Variants in KLHL18 observed in about 807,000 individuals in gnomAD.
KLHL18 encodes kelch like family member 18, also known as kelch-like protein 18.
KLHL18 carries 38 observed loss-of-function variants against 58.5 expected under a neutral mutation model. The ratio of observed to expected loss-of-function variants is 0.65; its 90% CI spans 0.50 to 0.85. The LOEUF (loss-of-function observed/expected upper bound fraction) is 0.85, where lower values mean the gene tolerates loss of function less well. KLHL18 is among the 40% of genes least tolerant of loss of function. The pLI is 0.00. For missense variants in KLHL18, 624 were observed against 778.4 expected, an observed-to-expected ratio of 0.80 and a Z score of 2.36; for synonymous variants, 303 against 301.9, an observed-to-expected ratio of 1.00 and a Z score of -0.04.
intron 1 of KLHL18, among the ~76,000 whole-genome samples, chr3:47,298,591 ATAAG>A (rs1335267490): frequency 6.6e-6 from 1 of 152,200 alleles, no homozygotes; most frequent in East Asian, 1.9e-4. Flanking sequence ...TAAGGATTAG[ATAAG>A]TTAGTTATAT....
rs1311143780 is a variant in KLHL18 at position 47,345,944 on chromosome 3, C to T, written c.*2003C>T. 3.9e-5 allele frequency: 6 copies of T among 152,578 alleles called. No homozygotes were observed. Among genetic ancestry groups the T allele is most frequent in the African/African-American group, 1.2e-4 (5 of 41,506 alleles). 9.5% of individuals were successfully genotyped at this position (152,578 alleles called of 1,614,324 possible). ...GTCTCAACAATCTGATATCGGATGTCGTTTAACCTGGGCTCGTGGTAGGGC... is the reference window on the plus strand; with the variant it reads ...GTCTCAACAATCTGATATCGGATGTTGTTTAACCTGGGCTCGTGGTAGGGC... On this transcript the variant is annotated 3_prime_UTR_variant, in exon 10 of 10. Coordinates refer to ENST00000232766, the MANE Select transcript of KLHL18 (RefSeq NM_025010.5).
chr3:47,340,569 C>T lies in KLHL18; in HGVS notation c.1122-3C>T, dbSNP rs202112965. The T allele has an allele frequency of 1.3e-3, 2,089 of 1,613,972 alleles. 1 individual carries two copies. The highest frequency in any genetic ancestry group is 1.3e-3 in the Non-Finnish European group (1,584 of 1,179,948). ...TCTGGGATGACAGCTCTGTCTGTTT[C>T]AGTGCCATGGGGACAGTCGTGCTGG... On this transcript the variant is annotated splice_region_variant and splice_polypyrimidine_tract_variant and intron_variant, in intron 7 of 9. Transcript: ENST00000232766.
At chr3:47,301,644 A>G (rs1225943582) in intron 1 of KLHL18, among the ~76,000 whole-genome samples, 2 of 152,202 alleles carry the variant, frequency 1.3e-5, no homozygotes, top group Non-Finnish European at 2.9e-5. Flanking sequence ...CCCTTGAACA[A>G]TGTGGGGGTT....
intron 4 of KLHL18, among the ~76,000 whole-genome samples, chr3:47,332,822 T>G (rs972048502): frequency 1.3e-5 from 2 of 151,970 alleles, no homozygotes; most frequent in South Asian, 4.2e-4. Flanking sequence ...CAGCCCAGCC[T>G]TGCCGGAGTA....
intron 1 of KLHL18, among the ~76,000 whole-genome samples, chr3:47,293,040 ATGT>A (rs1435912647): frequency 2.6e-5 from 4 of 152,220 alleles, no homozygotes; most frequent in Admixed American, 6.5e-5. Context: ...AAAAGGACAA[ATGT>A]TGTGTGATTC....
Position 47,336,684 on chromosome 3 carries a change from C to T in KLHL18, c.1048C>T (p.Leu350=). The change falls in exon 7 of 10, where the codon CTG becomes TTG. Residue 350 remains leucine (L), a synonymous_variant. Transcript: ENST00000232766. The part of the protein sequence containing the change: ...AIGGYDGQLR[L]STVEAYNPET... ...CGGAGGATATGACGGCCAGCTACGG[C>T]TGAGCACTGTGGAGGCCTACAACCC... 1 of 1,614,236 alleles carries T rather than the reference C, an allele frequency of 6.2e-7. No homozygotes were observed. Among genetic ancestry groups the T allele is most frequent in the Non-Finnish European group, 8.5e-7 (1 of 1,180,048 alleles).
rs76281206 is a variant in KLHL18 at position 47,333,494 on chromosome 3, C to G, written c.761+177C>G. 4.7e-3 allele frequency among the ~76,000 whole-genome samples: 721 copies of G among 152,332 alleles called. 8 individuals carry two copies. The highest frequency in any genetic ancestry group is 0.017 in the African/African-American group (700 of 41,578). The stretch of plus-strand genomic sequence containing the variant: ...AACAGGAAGTGTGAAGAGCCCGAAT[C>G]TTATGCCTTGGGCAGAGAGATGTGC... On this transcript the variant is annotated intron_variant, in intron 5 of 9. Transcript: ENST00000232766.
Position 47,314,789 on chromosome 3 carries a change from G to A in KLHL18, c.130-4864G>A, listed in dbSNP as rs1281665960. ...ACTATCCTTTAGCTATTCCTTATAA[G>A]ATGTAGCTTTCAGACTCTTGCCCAT... is the stretch of plus-strand genomic sequence containing the variant. On this transcript the variant is annotated intron_variant, in intron 1 of 9. Coordinates refer to ENST00000232766, the MANE Select transcript of KLHL18 (RefSeq NM_025010.5). Among the ~76,000 whole-genome samples the A allele has an allele frequency of 3.3e-5, 5 of 152,156 alleles. No individual in the cohort carries two copies. The East Asian group carries it at 9.6e-4, about 29-fold the overall frequency.
At chr3:47,283,218 G>A (rs955757653) in intron 1 of KLHL18, 124 bp downstream of exon 1, 4 of 510,372 alleles carry the variant, frequency 7.8e-6, no homozygotes, top group African/African-American at 6.2e-5. Context: ...TGTGAGGGGG[G>A]CCGAGTAGTG....
intron 1 of KLHL18, among the ~76,000 whole-genome samples, chr3:47,305,131 C>T (rs1319461133): frequency 2.6e-5 from 4 of 151,964 alleles, no homozygotes; most frequent in Non-Finnish European, 5.9e-5. Flanking sequence ...TGTTGCCTTA[C>T]TGAGCTTGCT....
At chr3:47,324,801 C>T (rs1703676983) in intron 3 of KLHL18, among the ~76,000 whole-genome samples, 1 of 152,150 alleles carries the variant, frequency 6.6e-6, no homozygotes, top group South Asian at 2.1e-4. Flanking sequence ...CACCTTACTC[C>T]AGCTTGGGCA....
At chr3:47,339,454 T>C (rs1379515619) in intron 7 of KLHL18, among the ~76,000 whole-genome samples, 2 of 146,966 alleles carry the variant, frequency 1.4e-5, no homozygotes, top group African/African-American at 5.1e-5. Flanking sequence ...ATTGTGCTAC[T>C]GCACTCCAGC....
intron 1 of KLHL18, among the ~76,000 whole-genome samples, chr3:47,318,015 T>C (rs575959691): frequency 1.3e-5 from 2 of 152,200 alleles, no homozygotes; most frequent in East Asian, 3.9e-4. Flanking sequence ...ATTACAGGCA[T>C]GCGCCCACTA....
chr3:47,328,295 G>A (rs1287040411), intron 3 of KLHL18, among the ~76,000 whole-genome samples: 2 of 151,744 alleles, frequency 1.3e-5, no homozygotes, highest in Non-Finnish European at 2.9e-5. Context: ...GAGCTCAAGA[G>A]GTCAAGGCTA....
At chr3:47,335,979 G>C (rs1174967965) in intron 6 of KLHL18, among the ~76,000 whole-genome samples, 1 of 152,160 alleles carries the variant, frequency 6.6e-6, no homozygotes, top group Non-Finnish European at 1.5e-5. Flanking sequence ...TATTTTGTTT[G>C]ATCATCACAA....
intron 6 of KLHL18, among the ~76,000 whole-genome samples, chr3:47,335,953 C>T (rs1446437109): frequency 6.6e-6 from 1 of 152,158 alleles, no homozygotes; most frequent in African/African-American, 2.4e-5. Flanking sequence ...AGCAGCATAC[C>T]ACAGGAAGAG....
chr3:47,337,740 A>G (rs1180471923), intron 7 of KLHL18: 1 of 152,272 alleles, frequency 6.6e-6, no homozygotes, highest in Admixed American at 6.5e-5. Context: ...GAAGAAAAAA[A>G]TACGTAAGAT....
At chr3:47,304,650 T>C (rs931649947) in intron 1 of KLHL18, among the ~76,000 whole-genome samples, 71 of 152,362 alleles carry the variant, frequency 4.7e-4, no homozygotes, top group African/African-American at 1.6e-3. Flanking sequence ...TCTTGTGTCT[T>C]GTAACTTTGC....
intron 1 of KLHL18, among the ~76,000 whole-genome samples, chr3:47,293,900 T>C (rs1038674743): frequency 6.6e-6 from 1 of 152,224 alleles, no homozygotes; most frequent in Non-Finnish European, 1.5e-5. Context: ...TCCTCTCTTA[T>C]GTGTATTTTG....
Sources: gnomAD v4.1 joint callset for allele counts (sites outside exome capture counted in the v4.1 genomes callset) on GRCh38, gnomAD v4.1.1 for gene constraint, MANE v1.5 for transcripts, NCBI Gene and HGNC (gene_info 2026-07-23, HGNC 2026-07-21) for gene names.